Variants in CENPU observed in about 807,000 individuals in gnomAD.
The protein encoded by CENPU is KSHV latent nuclear antigen interacting protein 1.
In CENPU, 46 loss-of-function variants were observed where a neutral mutation model predicts 56.7. That is an observed-to-expected ratio of 0.81 (90% CI 0.64 to 1.04). CENPU has a LOEUF of 1.04. Ranked by LOEUF, CENPU falls within the 50% of genes least tolerant of loss-of-function variation. The pLI is 0.00. For missense variants in CENPU, 510 were observed against 490.1 expected (o/e 1.04, Z -0.38); for synonymous variants, 166 against 163.0 (o/e 1.02, Z -0.14).
At chr4:184,732,383 G>T (rs754685340) in intron 1 of CENPU, among the ~76,000 whole-genome samples, 10 of 152,104 alleles carry the variant, frequency 6.6e-5, no homozygotes, top group Non-Finnish European at 1.2e-4. Context: ...TCTGGGGTGA[G>T]GTCTGGGATT....
intron 10 of CENPU, among the ~76,000 whole-genome samples, chr4:184,701,819 A>G (rs1760543531): frequency 6.6e-6 from 1 of 152,208 alleles, no homozygotes. Flanking sequence ...TGTGACATTA[A>G]TAAAAGGCTT....
Position 184,734,003 on chromosome 4 carries a change from C to T in CENPU, c.47+13G>A, listed in dbSNP as rs758396106. 1 of 1,609,540 alleles carries T rather than the reference C, an allele frequency of 6.2e-7. No homozygotes were observed. The highest frequency in any genetic ancestry group is 8.5e-7 in the Non-Finnish European group (1 of 1,178,730). Reference sequence around the variant, plus strand: ...TCTCCGGCCCCGCGCTCCCGAGGGTCGGCAGTACTTACCCCTCAGACCTGT... The same window carrying T: ...TCTCCGGCCCCGCGCTCCCGAGGGTTGGCAGTACTTACCCCTCAGACCTGT... On this transcript the variant is annotated intron_variant, in intron 1 of 12. Transcript: ENST00000281453.
intron 3 of CENPU, among the ~76,000 whole-genome samples, chr4:184,728,054 TA>T (rs1454317281): frequency 1.3e-5 from 2 of 152,166 alleles, no homozygotes; most frequent in African/African-American, 4.8e-5. Context: ...TGGAATTAGA[TA>T]ATGCAGACGG....
Position 184,724,953 on chromosome 4 carries a change from G to A in CENPU, c.320+4C>T. ...ATAAACAATTGCTTGAAATACACCA[G>A]TACCTTCTTTTTGCTTCTTTTCCTG... On this transcript the variant is annotated splice_donor_region_variant and intron_variant, in intron 4 of 12. Coordinates refer to ENST00000281453, the MANE Select transcript of CENPU (RefSeq NM_024629.4). 6.3e-7 allele frequency: 1 copy of A among 1,577,160 alleles called. No individual in the cohort carries two copies. Among genetic ancestry groups the A allele is most frequent in the Non-Finnish European group, 8.7e-7 (1 of 1,149,260 alleles).
At chr4:184,733,892 T>G (rs1409887696) in intron 1 of CENPU, 124 bp downstream of exon 1, 2 of 1,304,944 alleles carry the variant, frequency 1.5e-6, no homozygotes, top group South Asian at 1.2e-5. Context: ...ACCCGGGCGA[T>G]TGGCCACTCG....
chr4:184,710,224 G>T, intron 7 of CENPU, 44 bp from the exon 8 acceptor site: 3 of 1,358,924 alleles, frequency 2.2e-6, no homozygotes, highest in Non-Finnish European at 2.1e-6. Flanking sequence ...TTCATATTTT[G>T]GCTGTAGGTC....
chr4:184,717,521 C>T (rs1761133881), intron 4 of CENPU, among the ~76,000 whole-genome samples: 1 of 152,178 alleles, frequency 6.6e-6, no homozygotes, highest in Non-Finnish European at 1.5e-5. Context: ...ATCCACTAGG[C>T]CCATCCTTAG....
intron 1 of CENPU, 102 bp downstream of exon 1, chr4:184,733,914 C>T: frequency 1.3e-6 from 2 of 1,509,068 alleles, no homozygotes; most frequent in East Asian, 2.3e-5. Context: ...GCGACCTCCA[C>T]AGTGGAGCAC....
At chr4:184,704,086 CTTTTTT>C (rs368391994) in intron 8 of CENPU, among the ~76,000 whole-genome samples, 1 of 147,318 alleles carries the variant, frequency 6.8e-6, no homozygotes, top group African/African-American at 2.5e-5. Flanking sequence ...CATACTTCAT[CTTTTTT>C]TTTTTTGAGA....
chr4:184,705,928 A>G (rs1760712484), intron 8 of CENPU, among the ~76,000 whole-genome samples: 1 of 152,228 alleles, frequency 6.6e-6, no homozygotes, highest in South Asian at 2.1e-4. Flanking sequence ...AACAGAAAGT[A>G]GAAGGGTGGT....
intron 1 of CENPU, 133 bp downstream of exon 1, chr4:184,733,883 C>T (rs913143029): frequency 1.7e-6 from 2 of 1,198,328 alleles, no homozygotes; most frequent in Non-Finnish European, 2.5e-6. Context: ...AAGCCGGGGA[C>T]CCGGGCGATT....
rs565934319 is a variant in CENPU at position 184,728,994 on chromosome 4, A to G, written c.138T>C (p.Phe46=). The G allele has an allele frequency of 6.2e-7, 1 of 1,614,146 alleles. No individual in the cohort carries two copies. The highest frequency in any genetic ancestry group is 1.7e-5 in the Admixed American group (1 of 60,024). ...TGCTTGAGACATCAGAATTATCAGG[A>G]AAGTCGAACACGTCAATAGGCTTGC... ...QKCKPIDVFD[F]PDNSDVSSIG... is the part of the protein sequence containing the mutation. The change falls in exon 3 of 13, where the codon TTT becomes TTC. Residue 46 remains phenylalanine, a synonymous_variant. Transcript: ENST00000281453.
intron 3 of CENPU, among the ~76,000 whole-genome samples, chr4:184,728,305 A>G (rs10022842): frequency 0.18 from 27,124 of 152,226 alleles, 2,724 homozygotes; most frequent in African/African-American, 0.26. Context: ...AAATTAAACC[A>G]AAAGCCTTCA....
chr4:184,720,319 T>C (rs1196945478), intron 4 of CENPU, among the ~76,000 whole-genome samples: 1 of 151,942 alleles, frequency 6.6e-6, no homozygotes, highest in Non-Finnish European at 1.5e-5. Context: ...AGACAGGCTA[T>C]TTGAAAATAC....
At chr4:184,718,531 A>C (rs1183772050) in intron 4 of CENPU, among the ~76,000 whole-genome samples, 2 of 152,050 alleles carry the variant, frequency 1.3e-5, no homozygotes, top group Non-Finnish European at 2.9e-5. Context: ...TCAAAAGATC[A>C]CTCTGGAAGG....
intron 6 of CENPU, among the ~76,000 whole-genome samples, chr4:184,713,481 T>C (rs763197623): frequency 2.6e-5 from 4 of 152,208 alleles, no homozygotes; most frequent in African/African-American, 9.7e-5. Context: ...CAAGGAAGCA[T>C]TGCAAACAAA....
At position 184,733,999 on chromosome 4, in the gene CENPU, G is replaced by C. The variant is rs750204608; in HGVS notation, c.47+17C>G. On this transcript the variant is annotated intron_variant, in intron 1 of 12. Transcript: ENST00000281453. ...CTGGTCTCCGGCCCCGCGCTCCCGA[G>C]GGTCGGCAGTACTTACCCCTCAGAC... 1 of 1,610,202 alleles carries C rather than the reference G, an allele frequency of 6.2e-7. No homozygotes were observed.
At position 184,694,126 on chromosome 4, in the gene CENPU, G is replaced by A. The variant is rs576489982; in HGVS notation, c.*1162C>T. 3 of 660,232 alleles carry A rather than the reference G, an allele frequency of 4.5e-6. No homozygotes were observed. The highest frequency in any genetic ancestry group is 2.7e-4 in the East Asian group (2 of 7,304). 40.9% of individuals were successfully genotyped at this position (660,232 alleles called of 1,614,324 possible). A position where few individuals can be genotyped will look rare whatever the true frequency, so the allele number is the denominator to read the frequency against. ...TAATCTTTTTTCAATCCATGTTTAC[G>A]ATTTGCTAAATACTTTAAAATTTAA... On this transcript the variant is annotated 3_prime_UTR_variant, in exon 13 of 13. Coordinates refer to ENST00000281453, the MANE Select transcript of CENPU (RefSeq NM_024629.4).
chr4:184,708,995 C>G (rs1760826553), intron 8 of CENPU, among the ~76,000 whole-genome samples: 1 of 151,190 alleles, frequency 6.6e-6, no homozygotes. Flanking sequence ...AAAAAAAATT[C>G]AGAACATCAA....
Sources: allele counts gnomAD v4.1 joint callset (sites outside exome capture counted in the v4.1 genomes callset), GRCh38; gene constraint gnomAD v4.1.1; transcripts MANE v1.5; gene names NCBI Gene and HGNC (gene_info 2026-07-23, HGNC 2026-07-21).